Variants in GRIA3 observed in about 807,000 individuals in gnomAD.
GRIA3 encodes glutamate ionotropic receptor AMPA type subunit 3.
GRIA3 carries 3 observed loss-of-function variants against 63.0 expected under a neutral mutation model. The observed-to-expected ratio is 0.05, with a 90% CI of 0.02 to 0.12. GRIA3 has a LOEUF of 0.12. GRIA3 is among the 10% of genes least tolerant of loss of function. The probability of loss-of-function intolerance (pLI) is 1.00; values close to 1 mark genes in which losing one functional copy is unlikely to be tolerated. For synonymous variants in GRIA3, 274 were observed against 257.9 expected (o/e 1.06, Z -0.60); for missense variants, 347 against 700.9 (o/e 0.50, Z 5.70).
intron 12 of GRIA3, among the ~76,000 whole-genome samples, chrX:123,461,463 A>G (rs1403094406): frequency 8.9e-6 from 1 of 111,821 alleles, no homozygotes; most frequent in Non-Finnish European, 1.9e-5. Flanking sequence ...GTAGATGAAT[A>G]AGGTAATTTA....
intron 12 of GRIA3, among the ~76,000 whole-genome samples, chrX:123,443,104 T>C (rs2045685156): frequency 8.9e-6 from 1 of 111,763 alleles, no homozygotes; most frequent in African/African-American, 3.3e-5. Context: ...GAATTGGCAC[T>C]GTCGCATTGA....
intron 5 of GRIA3, among the ~76,000 whole-genome samples, chrX:123,381,644 G>A (rs2045324889): frequency 9.0e-6 from 1 of 111,567 alleles, no homozygotes. Context: ...CCCTCTTACT[G>A]TTGAATATCA....
chrX:123,481,186 G>A (rs2045911044), intron 14 of GRIA3, among the ~76,000 whole-genome samples: 1 of 111,803 alleles, frequency 8.9e-6, no homozygotes, highest in African/African-American at 3.3e-5. Flanking sequence ...ACATATAAAA[G>A]TCTAATGGCA....
Position 123,282,353 on chromosome X carries a change from C to A in GRIA3, c.508+28811C>A, listed in dbSNP as rs766759073. Among the ~76,000 whole-genome samples the A allele has an allele frequency of 3.5e-3, 394 of 112,577 alleles. 2 individuals carry two copies. Among genetic ancestry groups the A allele is most frequent in the Non-Finnish European group, 5.2e-3 (275 of 53,348 alleles). On this transcript the variant is annotated intron_variant, in intron 3 of 15. Transcript: ENST00000620443. ...CACAGGGCTACATGTCCATGCACTG[C>A]AGTCACAGAAATAAATCTTTCTGAT...
chrX:123,395,569 A>T (rs960596951), intron 6 of GRIA3, among the ~76,000 whole-genome samples: 2 of 111,959 alleles, frequency 1.8e-5, no homozygotes, highest in Admixed American at 1.9e-4. Flanking sequence ...AGGGTCTAAT[A>T]AAGAGTGTAC....
At chrX:123,345,461 C>T (rs1436199423) in intron 4 of GRIA3, among the ~76,000 whole-genome samples, 6 of 105,724 alleles carry the variant, frequency 5.7e-5, no homozygotes, top group Non-Finnish European at 2.0e-5. Context: ...CACACACACA[C>T]ACACACACAC....
chrX:123,397,411 T>C lies in GRIA3; in HGVS notation c.913-1225T>C, dbSNP rs746281972. ...GGGCTTGGGAGGGTATTCTCACCCA[T>C]TGGTAAGTAGAAACTGAATAAAGCA... On this transcript the variant is annotated intron_variant, in intron 6 of 15. Transcript: ENST00000620443. Among the ~76,000 whole-genome samples the C allele has an allele frequency of 2.3e-3, 254 of 112,108 alleles. 1 individual carries two copies. Among genetic ancestry groups the C allele is most frequent in the Non-Finnish European group, 3.8e-3 (201 of 53,173 alleles).
At chrX:123,456,196 G>A (rs182292590) in intron 12 of GRIA3, among the ~76,000 whole-genome samples, 41 of 111,099 alleles carry the variant, frequency 3.7e-4, no homozygotes, top group African/African-American at 1.2e-3. Context: ...CACACACACT[G>A]TTCTCAGTGC....
At chrX:123,322,711 C>T (rs188109576) in intron 3 of GRIA3, among the ~76,000 whole-genome samples, 30 of 111,355 alleles carry the variant, frequency 2.7e-4, no homozygotes, top group Middle Eastern at 4.6e-3. Flanking sequence ...GGTGACCATT[C>T]CCCCCAGGGT....
At chrX:123,377,481 A>G (rs1303162905) in intron 5 of GRIA3, among the ~76,000 whole-genome samples, 3 of 112,068 alleles carry the variant, frequency 2.7e-5, no homozygotes, top group Non-Finnish European at 5.6e-5. Flanking sequence ...ATTTCTGTCT[A>G]TGATATTTCT....
chrX:123,361,411 G>A (rs2147354462), intron 5 of GRIA3: 1 of 111,723 alleles, frequency 9.0e-6, no homozygotes, highest in African/African-American at 3.3e-5. Context: ...AGGCAAGGGA[G>A]GTGGGCTTGC....
chrX:123,203,536 C>T (rs1927801279), intron 2 of GRIA3, among the ~76,000 whole-genome samples: 1 of 111,573 alleles, frequency 9.0e-6, no homozygotes, highest in African/African-American at 3.3e-5. Context: ...CCCTCCCTTG[C>T]TCAGGAGCTC....
chrX:123,333,740 AG>A (rs2147337806), intron 4 of GRIA3, among the ~76,000 whole-genome samples: 1 of 111,204 alleles, frequency 9.0e-6, no homozygotes, highest in East Asian at 2.8e-4. Flanking sequence ...TATATGTAAA[AG>A]AGGAGATCCC....
intron 2 of GRIA3, among the ~76,000 whole-genome samples, chrX:123,188,335 T>C: frequency 9.0e-6 from 1 of 111,384 alleles, no homozygotes; most frequent in Middle Eastern, 4.6e-3. Context: ...ATGACTCGTC[T>C]AACCATAGTC....
At chrX:123,343,388 T>A (rs1349452353) in intron 4 of GRIA3, among the ~76,000 whole-genome samples, 1 of 111,432 alleles carries the variant, frequency 9.0e-6, no homozygotes, top group Non-Finnish European at 1.9e-5. Flanking sequence ...ATCCCCTGCA[T>A]GTAAACTTGT....
At chrX:123,442,784 G>A (rs1841286257) in intron 12 of GRIA3, among the ~76,000 whole-genome samples, 1 of 110,535 alleles carries the variant, frequency 9.0e-6, no homozygotes, top group African/African-American at 3.3e-5. Context: ...TTACAACACA[G>A]GTAACCAAGA....
chrX:123,389,977 A>T (rs1416552655), intron 5 of GRIA3, among the ~76,000 whole-genome samples: 2 of 112,107 alleles, frequency 1.8e-5, no homozygotes, highest in African/African-American at 6.5e-5. Flanking sequence ...AAGTGCTGGG[A>T]TTACAGGCAT....
At chrX:123,344,692 CT>C (rs2045032072) in intron 4 of GRIA3, among the ~76,000 whole-genome samples, 1 of 111,168 alleles carries the variant, frequency 9.0e-6, no homozygotes, top group Non-Finnish European at 1.9e-5. Flanking sequence ...TTCAGAAATT[CT>C]TTTTTGGCTC....
intron 5 of GRIA3, among the ~76,000 whole-genome samples, chrX:123,391,296 T>C (rs1367579174): frequency 9.0e-6 from 1 of 111,610 alleles, no homozygotes; most frequent in Non-Finnish European, 1.9e-5. Context: ...AATTTGCTTT[T>C]GTAGGGGAGG....
Sources: gnomAD v4.1 joint callset for allele counts (sites outside exome capture counted in the v4.1 genomes callset) on GRCh38, gnomAD v4.1.1 for gene constraint, MANE v1.5 for transcripts, NCBI Gene and HGNC (gene_info 2026-07-23, HGNC 2026-07-21) for gene names.